Variants in SLC25A13 observed in about 807,000 individuals in gnomAD.
SLC25A13 encodes the protein solute carrier family 25 member 13.
SLC25A13 carries 70 observed loss-of-function variants against 85.5 expected under a neutral mutation model. That is an observed-to-expected ratio of 0.82 (90% CI 0.68 to 1.00). The LOEUF is 1.00. Among genes scored for constraint, SLC25A13 ranks in the 50% least tolerant of loss-of-function variants. The pLI is 0.00. For missense variants in SLC25A13, 765 were observed against 819.8 expected (o/e 0.93, Z 0.82); for synonymous variants, 259 against 288.7 (o/e 0.90, Z 1.04).
chr7:96,225,407 A>C (rs1796295270), intron 4 of SLC25A13, among the ~76,000 whole-genome samples: 1 of 152,100 alleles, frequency 6.6e-6, no homozygotes, highest in Non-Finnish European at 1.5e-5. Flanking sequence ...TTAGCTGGAC[A>C]TGGTAGCGCC....
intron 15 of SLC25A13, among the ~76,000 whole-genome samples, chr7:96,124,647 T>C (rs1791652174): frequency 6.6e-6 from 1 of 152,216 alleles, no homozygotes; most frequent in Non-Finnish European, 1.5e-5. Flanking sequence ...TCTTTCTATG[T>C]CACTGTTTTA....
Position 96,184,321 on chromosome 7 carries a change from A to G in SLC25A13, c.1133T>C (p.Phe378Ser), listed in dbSNP as rs941194099. The G allele has an allele frequency of 4.3e-6, 7 of 1,614,188 alleles. No individual in the cohort carries two copies. The highest frequency in any genetic ancestry group is 5.1e-6 in the Non-Finnish European group (6 of 1,180,028). ...GCCTTCATAGCGTAGCACTTTCTTA[A>G]AACAGTCAAAGCTGTTTTTATACAT... ...ELMYKNSFDC[F>S]KKVLRYEGFF... is the part of the protein sequence containing the mutation. The change falls in exon 11 of 18, where the codon TTT becomes TCT. Residue 378 changes from phenylalanine (F) to serine (S), a missense_variant. Coordinates refer to ENST00000265631, the MANE Select transcript of SLC25A13 (RefSeq NM_014251.3).
intron 5 of SLC25A13, 141 bp from the exon 6 acceptor site, chr7:96,193,324 C>T (rs903444690): frequency 4.4e-5 from 43 of 978,114 alleles, no homozygotes; most frequent in Non-Finnish European, 4.3e-5. Flanking sequence ...AATAGCACCA[C>T]CAAGCTACTG....
chr7:96,258,387 C>T (rs900799765), intron 3 of SLC25A13, among the ~76,000 whole-genome samples: 1 of 152,088 alleles, frequency 6.6e-6, no homozygotes, highest in Non-Finnish European at 1.5e-5. Flanking sequence ...ATACAAAATT[C>T]TTGTGCAAAA....
rs1173609446 is a variant in SLC25A13 at position 96,184,956 on chromosome 7, T to C, written c.989A>G (p.Tyr330Cys). 1.9e-5 allele frequency: 30 copies of C among 1,614,206 alleles called. No homozygotes were observed. The highest frequency in any genetic ancestry group is 3.3e-5 in the South Asian group (3 of 91,088). Residue 330 changes from tyrosine to cysteine, a missense_variant, in exon 10 of 18, where the codon TAC becomes TGC. Coordinates refer to ENST00000265631, the MANE Select transcript of SLC25A13 (RefSeq NM_014251.3). ...AGCAACAGAACCCAGACCAAACCTG[T>C]AGGCCGACTCTGCAACTTGTAGAAG... The part of the protein sequence containing the change: ...PVLLQVAESA[Y>C]RFGLGSVAGA...
In SLC25A13 at chr7:96,191,746, T is replaced by C. The variant is rs1256958576; in HGVS notation, c.616-499A>G. ...GTTACTTATAACCAGTAATAAATAA[T>C]CATTTAGGTACAGACTTTACATTGG... On this transcript the variant is annotated intron_variant, in intron 6 of 17. Transcript: ENST00000265631. 2.4e-4 allele frequency among the ~76,000 whole-genome samples: 37 copies of C among 152,110 alleles called. 1 individual carries two copies. The highest frequency in any genetic ancestry group is 1.2e-4 in the African/African-American group (5 of 41,436).
chr7:96,244,136 T>TG (rs558334114), intron 3 of SLC25A13, among the ~76,000 whole-genome samples: 432 of 152,048 alleles, frequency 2.8e-3, no homozygotes, highest in African/African-American at 9.5e-3. Context: ...ACGTGGGGTC[T>TG]GGGGGGGTCC....
rs879255502 is a variant in SLC25A13, at chr7:96,170,045, G to A, written c.1311C>T (p.Cys437=). The A allele has an allele frequency of 8.7e-6, 14 of 1,613,940 alleles. No homozygotes were observed. In the East Asian group the frequency reaches 2.0e-4, roughly 23 times the overall value. The part of the protein sequence containing the change: ...PLAAEILAGG[C]AGGSQVIFTN... ...GAAGAGAGCTTCAAAAGGTACTTAC[G>A]CAGCCTCCAGCAAGAATTTCTGCTG... The change falls in exon 13 of 18, where the codon TGC becomes TGT. Residue 437 remains cysteine, a splice_region_variant and synonymous_variant. Coordinates refer to ENST00000265631, the MANE Select transcript of SLC25A13 (RefSeq NM_014251.3).
chr7:96,208,347 TAAAG>T (rs1795539144), intron 5 of SLC25A13, among the ~76,000 whole-genome samples: 1 of 152,122 alleles, frequency 6.6e-6, no homozygotes, highest in African/African-American at 2.4e-5. Flanking sequence ...AACATATTAA[TAAAG>T]AAATACTTCT....
chr7:96,249,412 A>G (rs924003909), intron 3 of SLC25A13, among the ~76,000 whole-genome samples: 5 of 152,230 alleles, frequency 3.3e-5, no homozygotes, highest in Admixed American at 3.3e-4. Flanking sequence ...TCACCTATTA[A>G]CACAGGCCAC....
At chr7:96,137,285 A>G (rs1214582505) in intron 14 of SLC25A13, among the ~76,000 whole-genome samples, 4 of 152,226 alleles carry the variant, frequency 2.6e-5, no homozygotes, top group Non-Finnish European at 4.4e-5. Flanking sequence ...TGAAGACTTG[A>G]TATCAGTGAA....
intron 2 of SLC25A13, among the ~76,000 whole-genome samples, chr7:96,293,657 C>T (rs1411382762): frequency 6.6e-6 from 1 of 152,172 alleles, no homozygotes; most frequent in Non-Finnish European, 1.5e-5. Context: ...GACATTTATG[C>T]AGCCAAAAGA....
intron 8 of SLC25A13, 81 bp downstream of exon 8, chr7:96,189,496 CTTCT>C (rs1794763319): frequency 6.5e-7 from 1 of 1,531,840 alleles, no homozygotes; most frequent in South Asian, 1.1e-5. Flanking sequence ...TTCAGTTTGG[CTTCT>C]TTTTCTCCTG....
chr7:96,133,096 T>A (rs970561807), intron 14 of SLC25A13, among the ~76,000 whole-genome samples: 1 of 152,220 alleles, frequency 6.6e-6, no homozygotes, highest in Non-Finnish European at 1.5e-5. Context: ...TCCTATTAAG[T>A]TGCATCCTAG....
intron 3 of SLC25A13, among the ~76,000 whole-genome samples, chr7:96,273,085 T>A (rs7779963): frequency 1.1e-4 from 16 of 152,020 alleles, no homozygotes; most frequent in Admixed American, 7.2e-4. Flanking sequence ...ACACGATCCC[T>A]CCTGAGGAGA....
chr7:96,248,088 A>G (rs530565128), intron 3 of SLC25A13, among the ~76,000 whole-genome samples: 1 of 152,206 alleles, frequency 6.6e-6, no homozygotes, highest in South Asian at 2.1e-4. Flanking sequence ...TCCTAATCCT[A>G]TTACCACTCC....
chr7:96,226,921 TAC>T (rs1796346732), intron 4 of SLC25A13, among the ~76,000 whole-genome samples: 1 of 152,152 alleles, frequency 6.6e-6, no homozygotes, highest in Admixed American at 6.5e-5. Flanking sequence ...TCCCTTTGAA[TAC>T]CCCTCCCATC....
intron 2 of SLC25A13, among the ~76,000 whole-genome samples, chr7:96,294,085 G>C (rs986713730): frequency 6.6e-6 from 1 of 152,118 alleles, no homozygotes; most frequent in Non-Finnish European, 1.5e-5. Context: ...ATACACCATG[G>C]AATACTATGC....
At chr7:96,122,752 G>A (rs919380333) in intron 15 of SLC25A13, among the ~76,000 whole-genome samples, 1 of 152,076 alleles carries the variant, frequency 6.6e-6, no homozygotes, top group Non-Finnish European at 1.5e-5. Context: ...CCCTCCCAAA[G>A]TTACCAATGG....
Sources: allele counts gnomAD v4.1 joint callset (sites outside exome capture counted in the v4.1 genomes callset), GRCh38; gene constraint gnomAD v4.1.1; transcripts MANE v1.5; gene names NCBI Gene and HGNC (gene_info 2026-07-23, HGNC 2026-07-21).